Variants in HIC1 observed in about 807,000 individuals in gnomAD.
The protein encoded by HIC1 is hypermethylated in cancer 1 protein.
A neutral mutation model predicts 26.4 loss-of-function variants in HIC1; 9 were observed. That is an observed-to-expected ratio of 0.34 (90% confidence interval 0.21 to 0.59). HIC1 has a LOEUF of 0.59. HIC1 is among the 20% of genes least tolerant of loss of function. The pLI is 0.82. For missense variants in HIC1, 965 were observed against 1,075.7 expected (o/e 0.90, Z 1.44); for synonymous variants, 631 against 523.1 (o/e 1.21, Z -2.81).
Position 2,058,643 on chromosome 17 carries a change from G to A in HIC1, c.1953G>A (p.Ala651=), listed in dbSNP as rs1367650149. Residue 651 remains alanine, a synonymous_variant, in exon 2 of 2, where the codon GCG becomes GCA. Transcript: ENST00000619757. ...LSLKQQDKAA[A]AELLAQTTHF... ...TGAAGCAGCAGGACAAGGCGGCCGCGGCCGAGCTGCTGGCGCAGACCACGC... is the reference window on the plus strand; with the variant it reads ...TGAAGCAGCAGGACAAGGCGGCCGCAGCCGAGCTGCTGGCGCAGACCACGC... The A allele has an allele frequency of 3.8e-6, 6 of 1,563,914 alleles. No individual in the cohort carries two copies. Among genetic ancestry groups the A allele is most frequent in the Non-Finnish European group, 5.2e-6 (6 of 1,161,486 alleles).
In HIC1 at chr17:2,059,400, C is replaced by T. The variant is rs1432873885; in HGVS notation, c.*565C>T. 6.1e-6 allele frequency: 1 copy of T among 165,048 alleles called. No homozygotes were observed. The highest frequency in any genetic ancestry group is 2.4e-5 in the African/African-American group (1 of 41,066). 10.2% of individuals were successfully genotyped at this position (165,048 alleles called of 1,614,324 possible). A position where few individuals can be genotyped will look rare whatever the true frequency, so the allele number is the denominator to read the frequency against. ...CTAGCCCCAGGGCCAACCCTTCCTT[C>T]CTCAGTCACCAAGGGCGGGGAGTTC... On this transcript the variant is annotated 3_prime_UTR_variant, in exon 2 of 2. Transcript: ENST00000619757.
Position 2,058,506 on chromosome 17 carries a change from C to T in HIC1, c.1816C>T (p.Leu606=). ...GGGCGCGGCCGGCGCGGCCGGGGCG[C>T]TGGCGGGCTTGGGGGGGCTCCCCGG... ...VGGAAGAAGA[L]AGLGGLPGVP... The change falls in exon 2 of 2, where the codon CTG becomes TTG. Residue 606 remains leucine (L), a synonymous_variant. Coordinates refer to ENST00000619757, the MANE Select transcript of HIC1 (RefSeq NM_006497.4). The T allele has an allele frequency of 3.4e-6, 5 of 1,480,580 alleles. No homozygotes were observed. The highest frequency in any genetic ancestry group is 4.4e-6 in the Non-Finnish European group (5 of 1,124,440). 91.7% of individuals were successfully genotyped at this position (1,480,580 alleles called of 1,614,324 possible).
At chr17:2,056,548 G>C (rs1468378893) in intron 1 of HIC1, 123 bp from the exon 2 acceptor site, 2 of 1,408,922 alleles carry the variant, frequency 1.4e-6, no homozygotes, top group Non-Finnish European at 1.9e-6. Context: ...CCGGTGCCCA[G>C]GCCGCAGGGC....
rs2151370608 is a variant in HIC1, at chr17:2,058,799, C to G, written c.2109C>G (p.Pro703=). 6.7e-7 allele frequency: 1 copy of G among 1,501,846 alleles called. No homozygotes were observed. The highest frequency in any genetic ancestry group is 8.8e-7 in the Non-Finnish European group (1 of 1,132,362). The allele number at this position is 1,501,846 out of a possible 1,614,324, so 93.0% of individuals were successfully genotyped here. Residue 703 remains proline, a synonymous_variant, in exon 2 of 2, where the codon CCC becomes CCG. Transcript: ENST00000619757. ...LSQGAHLAAG[P]DGRTIDRFSP... is the part of the protein sequence containing the mutation. ...AGGGCGCTCACCTGGCGGCCGGGCC[C>G]GACGGCCGGACCATCGACCGTTTCT...
rs762248690 is a variant in HIC1, at chr17:2,057,110, G to GGGCGGC, written c.439_444dup (p.Gly147_Gly148dup). On this transcript the variant is annotated inframe_insertion, in exon 2 of 2. Transcript: ENST00000619757. ...GCCACGGCAAGTACTGCCACCTGCG[G>GGGCGGC]GGCGGCGGCGGCGGCGGCGGCGGCT... 9.2e-5 allele frequency: 121 copies of GGGCGGC among 1,321,932 alleles called. No individual in the cohort carries two copies. Among genetic ancestry groups the GGGCGGC allele is most frequent in the Middle Eastern group, 2.5e-4 (1 of 4,066 alleles). The allele number at this position is 1,321,932 out of a possible 1,614,324, so 81.9% of individuals were successfully genotyped here.
In HIC1 at chr17:2,057,169, G is replaced by A. The variant is rs2067680174; in HGVS notation, c.479G>A (p.Arg160Gln). The change falls in exon 2 of 2, where the codon CGG becomes CAG. Residue 160 changes from arginine to glutamine, a missense_variant. By Grantham distance (43) the Arg-to-Gln change is conservative (BLOSUM62 1). Transcript: ENST00000619757. Reference protein sequence around the residue: ...APYGRPGRGLRAATPVIQACY... With the variant: ...APYGRPGRGLQAATPVIQACY... ...TATGGTCGGCCGGGCCGGGGCCTGC[G>A]GGCCGCCACGCCGGTCATCCAGGCC... The A allele has an allele frequency of 2.3e-6, 3 of 1,325,654 alleles. No homozygotes were observed. Among genetic ancestry groups the A allele is most frequent in the East Asian group, 3.2e-5 (1 of 30,810 alleles). The allele number at this position is 1,325,654 out of a possible 1,614,324, so 82.1% of individuals were successfully genotyped here. A position where few individuals can be genotyped will look rare whatever the true frequency, so the allele number is the denominator to read the frequency against.
Position 2,057,992 on chromosome 17 carries a change from C to CGCGCACGTGGAG in HIC1, c.1305_1316dup (p.Ala439_Glu442dup). 1.2e-6 allele frequency: 2 copies of CGCGCACGTGGAG among 1,608,070 alleles called. No individual in the cohort carries two copies. Among genetic ancestry groups the CGCGCACGTGGAG allele is most frequent in the African/African-American group, 1.3e-5 (1 of 74,988 alleles). On this transcript the variant is annotated inframe_insertion, in exon 2 of 2. Coordinates refer to ENST00000619757, the MANE Select transcript of HIC1 (RefSeq NM_006497.4). ...GCTTCCCCAGCTCTGAGCAGCTGAA[C>CGCGCACGTGGAG]GCGCACGTGGAGGCTCACGTGGAGG...
chr17:2,058,993 C>T lies in HIC1; in HGVS notation c.*158C>T, dbSNP rs1032006117. ...TCGGCGGCCTCACCTGGCCTCACTG[C>T]TTCGTGCCTTAGCTCGGGGGTCGGG... On this transcript the variant is annotated 3_prime_UTR_variant, in exon 2 of 2. Transcript: ENST00000619757. 2 of 609,118 alleles carry T rather than the reference C, an allele frequency of 3.3e-6. No individual in the cohort carries two copies. The highest frequency in any genetic ancestry group is 5.3e-6 in the Non-Finnish European group (2 of 379,326). 37.7% of individuals were successfully genotyped at this position (609,118 alleles called of 1,614,324 possible). A position where few individuals can be genotyped will look rare whatever the true frequency, so the allele number is the denominator to read the frequency against.
At chr17:2,056,248 G>C in intron 1 of HIC1, 1 of 1,425,842 alleles carries the variant, frequency 7.0e-7, no homozygotes, top group Non-Finnish European at 9.9e-7. Context: ...CTTCTCCCGA[G>C]GCGGGAGGCG....
Position 2,061,716 on chromosome 17 carries a change from G to A in HIC1, c.*2881G>A. On this transcript the variant is annotated 3_prime_UTR_variant, in exon 2 of 2. Transcript: ENST00000619757. ...CCTGGAGAATGTGGTCCTGGGGAGGGGGTGCCACGCTAGCCGTGTCTTGGC... is the reference window on the plus strand; with the variant it reads ...CCTGGAGAATGTGGTCCTGGGGAGGAGGTGCCACGCTAGCCGTGTCTTGGC... 5 of 1,392,530 alleles carry A rather than the reference G, an allele frequency of 3.6e-6. 1 individual carries two copies. The South Asian group carries it at 5.1e-5, about 14-fold the overall frequency. 86.3% of individuals were successfully genotyped at this position (1,392,530 alleles called of 1,614,324 possible). A position where few individuals can be genotyped will look rare whatever the true frequency, so the allele number is the denominator to read the frequency against.
chr17:2,057,202 C>A lies in HIC1; in HGVS notation c.512C>A (p.Pro171Gln). Reference sequence around the variant, plus strand: ...ACGCCGGTCATCCAGGCCTGCTACCCGTCCCCAGTCGGGCCTCCGCCGCCG... The same window carrying A: ...ACGCCGGTCATCCAGGCCTGCTACCAGTCCCCAGTCGGGCCTCCGCCGCCG... ...AATPVIQACY[P>Q]SPVGPPPPPA... is the part of the protein sequence containing the mutation. The change falls in exon 2 of 2, where the codon CCG (proline) becomes CAG (glutamine). Residue 171 changes from proline (P) to glutamine (Q), a missense_variant. Transcript: ENST00000619757. 1 of 1,388,360 alleles carries A rather than the reference C, an allele frequency of 7.2e-7. No individual in the cohort carries two copies. The highest frequency in any genetic ancestry group is 9.3e-7 in the Non-Finnish European group (1 of 1,073,662). 86.0% of individuals were successfully genotyped at this position (1,388,360 alleles called of 1,614,324 possible).
In HIC1 at chr17:2,057,651, A is replaced by G; in HGVS notation, c.961A>G (p.Ser321Gly). Residue 321 changes from serine (S) to glycine (G), a missense_variant, in exon 2 of 2, where the codon AGC becomes GGC. Transcript: ENST00000619757. Reference sequence around the variant, plus strand: ...GATGAAGCACGAGCCGGGCCTGGGTAGCTATGGCGACGAGCTGGGCCGGGA... The same window carrying G: ...GATGAAGCACGAGCCGGGCCTGGGTGGCTATGGCGACGAGCTGGGCCGGGA... ...RWMKHEPGLG[S>G]YGDELGRERG... 1 of 1,515,570 alleles carries G rather than the reference A, an allele frequency of 6.6e-7. No homozygotes were observed. The allele number at this position is 1,515,570 out of a possible 1,614,324, so 93.9% of individuals were successfully genotyped here.
rs141681719 is a variant in HIC1, at chr17:2,062,002, C to CTT, written c.*3178_*3179dup. ...ACAACACCGCTCTCCCCACACCCCA[C>CTT]TTTTTTTTTTTTAACAAGTCCTCTC... On this transcript the variant is annotated 3_prime_UTR_variant, in exon 2 of 2. Transcript: ENST00000619757. The CTT allele has an allele frequency of 6.8e-4, 104 of 153,728 alleles. No homozygotes were observed. Among genetic ancestry groups the CTT allele is most frequent in the East Asian group, 6.3e-3 (33 of 5,234 alleles). The allele number at this position is 153,728 out of a possible 1,614,324, so 9.5% of individuals were successfully genotyped here. A position where few individuals can be genotyped will look rare whatever the true frequency, so the allele number is the denominator to read the frequency against.
chr17:2,058,617 C>T lies in HIC1; in HGVS notation c.1927C>T (p.Leu643=). 1.3e-6 allele frequency: 2 copies of T among 1,561,742 alleles called. No homozygotes were observed. Among genetic ancestry groups the T allele is most frequent in the Non-Finnish European group, 1.7e-6 (2 of 1,161,394 alleles). The change falls in exon 2 of 2, where the codon CTG becomes TTG. Residue 643 remains leucine, a synonymous_variant. Transcript: ENST00000619757. ...TCGCCTCACGGCCGAGCAGCTGAGC[C>T]TGAAGCAGCAGGACAAGGCGGCCGC... is the stretch of plus-strand genomic sequence containing the variant. ...VARLTAEQLS[L]KQQDKAAAAE...
In HIC1 at chr17:2,060,131, C is replaced by G. The variant is rs1301070637; in HGVS notation, c.*1296C>G. 7 of 152,710 alleles carry G rather than the reference C, an allele frequency of 4.6e-5. No individual in the cohort carries two copies. The highest frequency in any genetic ancestry group is 7.3e-5 in the Non-Finnish European group (5 of 68,304). 9.5% of individuals were successfully genotyped at this position (152,710 alleles called of 1,614,324 possible). Reference sequence around the variant, plus strand: ...CAGAGCTGCGCACCCATCCTCCAGGCAGGCTGTGCAGTCAGGCCATGGGCT... The same window carrying G: ...CAGAGCTGCGCACCCATCCTCCAGGGAGGCTGTGCAGTCAGGCCATGGGCT... On this transcript the variant is annotated 3_prime_UTR_variant, in exon 2 of 2. Coordinates refer to ENST00000619757, the MANE Select transcript of HIC1 (RefSeq NM_006497.4).
rs758711363 is a variant in HIC1 at position 2,057,306 on chromosome 17, C to T, written c.616C>T (p.Pro206Ser). 16 of 1,498,456 alleles carry T rather than the reference C, an allele frequency of 1.1e-5. No individual in the cohort carries two copies. The African/African-American group carries it at 2.0e-4, about 19-fold the overall frequency. 92.8% of individuals were successfully genotyped at this position (1,498,456 alleles called of 1,614,324 possible). A position where few individuals can be genotyped will look rare whatever the true frequency, so the allele number is the denominator to read the frequency against. ...CGAGCTGTACGCGTCGGGACCCGGC[C>T]CGGCCGCCGCACTCTGTGCCTCGGA... is the stretch of plus-strand genomic sequence containing the variant. The part of the protein sequence containing the change: ...CAELYASGPG[P>S]AAALCASERR... The change falls in exon 2 of 2, where the codon CCG becomes TCG. Residue 206 changes from proline to serine, a missense_variant. Pro to Ser is a moderately conservative substitution (Grantham distance 74, BLOSUM62 -1). Coordinates refer to ENST00000619757, the MANE Select transcript of HIC1 (RefSeq NM_006497.4).
chr17:2,061,043 C>G lies in HIC1; in HGVS notation c.*2208C>G, dbSNP rs1249973256. ...TTAACCAAAGCCTCTTGAACACATT[C>G]ACGACAGAGGTTCTGAAGATGAAAG... is the stretch of plus-strand genomic sequence containing the variant. On this transcript the variant is annotated 3_prime_UTR_variant, in exon 2 of 2. Coordinates refer to ENST00000619757, the MANE Select transcript of HIC1 (RefSeq NM_006497.4). 1.2e-5 allele frequency: 2 copies of G among 162,930 alleles called. No homozygotes were observed. The highest frequency in any genetic ancestry group is 4.8e-5 in the African/African-American group (2 of 41,646). The allele number at this position is 162,930 out of a possible 1,614,324, so 10.1% of individuals were successfully genotyped here. A position where few individuals can be genotyped will look rare whatever the true frequency, so the allele number is the denominator to read the frequency against.
At position 2,057,860 on chromosome 17, in the gene HIC1, C is replaced by T; in HGVS notation, c.1170C>T (p.Pro390=). ...SSEETGSSED[P]SPPGGHLEGY... ...AGGAGACCGGTAGCAGCGAGGACCC[C>T]AGCCCGCCTGGCGGCCACCTCGAGG... is the stretch of plus-strand genomic sequence containing the variant. Residue 390 remains proline (P), a synonymous_variant, in exon 2 of 2, where the codon CCC becomes CCT. Transcript: ENST00000619757. The T allele has an allele frequency of 1.3e-6, 2 of 1,591,934 alleles. No individual in the cohort carries two copies. The highest frequency in any genetic ancestry group is 1.3e-5 in the African/African-American group (1 of 74,654).
At position 2,058,689 on chromosome 17, in the gene HIC1, G is replaced by A; in HGVS notation, c.1999G>A (p.Val667Met). ...QTTHFLHDPK[V>M]ALESLYPLAK... ...CACGCACTTCCTGCACGACCCCAAG[G>A]TGGCGCTGGAGAGCCTCTACCCGCT... The change falls in exon 2 of 2, where the codon GTG becomes ATG. Residue 667 changes from valine to methionine, a missense_variant. This residue lies in a region of HIC1 where 210 missense variants were observed against 179.2 expected (regional missense o/e 1.17). Coordinates refer to ENST00000619757, the MANE Select transcript of HIC1 (RefSeq NM_006497.4). 2 of 1,552,258 alleles carry A rather than the reference G, an allele frequency of 1.3e-6. No individual in the cohort carries two copies. Among genetic ancestry groups the A allele is most frequent in the Non-Finnish European group, 1.7e-6 (2 of 1,153,682 alleles).
Sources: allele counts gnomAD v4.1 joint callset, GRCh38; gene constraint gnomAD v4.1.1; regional missense constraint gnomAD v4.1.1; transcripts MANE v1.5; gene names NCBI Gene and HGNC (gene_info 2026-07-23, HGNC 2026-07-21).